MED12L: variants seen among roughly 807,000 people sequenced by gnomAD.
MED12L encodes mediator of RNA polymerase II transcription subunit 12-like protein.
Under a neutral mutation model 281.3 loss-of-function variants are expected in MED12L, and 60 were observed. The observed-to-expected ratio is 0.21, with a 90% CI of 0.17 to 0.26. MED12L has a LOEUF of 0.26. MED12L is among the 10% of genes least tolerant of loss of function. MED12L has a pLI of 1.00. For missense variants in MED12L, 2,146 were observed against 2,680.9 expected (o/e 0.80, Z 4.41); for synonymous variants, 974 against 987.2 (o/e 0.99, Z 0.25).
At chr3:151,409,172 A>G in intron 39 of MED12L, 71 bp from the exon 40 acceptor site, 2 of 1,187,012 alleles carry the variant, frequency 1.7e-6, no homozygotes, top group East Asian at 2.4e-5. Context: ...GGTTATTTGG[A>G]TTATTAACCA....
At chr3:151,196,681 G>A (rs750576598) in intron 16 of MED12L, among the ~76,000 whole-genome samples, 1 of 152,240 alleles carries the variant, frequency 6.6e-6, no homozygotes, top group African/African-American at 2.4e-5. Flanking sequence ...CACTGTGTCA[G>A]ATGTGTGAGG....
At position 151,338,810 on chromosome 3, in the gene MED12L, A is replaced by C. The variant is rs6809699; in HGVS notation, c.2251-11249A>C. 0.85 allele frequency: 1,364,573 copies of C among 1,612,836 alleles called. 578,841 individuals carry two copies. Among genetic ancestry groups the C allele is most frequent in the African/African-American group, 0.97 (72,744 of 74,950 alleles). The stretch of plus-strand genomic sequence containing the variant: ...AGTCTCTGGTGCACAGACTGGTGTT[A>C]CCAGGCGCAGAGGTGAGGTTGTCGA... On this transcript the variant is annotated intron_variant, in intron 16 of 44. Coordinates refer to ENST00000687756, the MANE Select transcript of MED12L (RefSeq NM_001393769.1).
At position 151,386,361 on chromosome 3, in the gene MED12L, T is replaced by A. The variant is rs567680321; in HGVS notation, c.5088+1170T>A. Among the ~76,000 whole-genome samples the A allele has an allele frequency of 7.2e-5, 11 of 152,290 alleles. No homozygotes were observed. In the South Asian group the frequency reaches 2.3e-3, roughly 32 times the overall value. On this transcript the variant is annotated intron_variant, in intron 36 of 44. Transcript: ENST00000687756. ...GAAACAGTCAATTTACAGGTGGCAA[T>A]TGAACCTTGGTTTTATTTTGTTTTA...
chr3:151,407,518 T>C (rs1481276312), intron 39 of MED12L, among the ~76,000 whole-genome samples: 1 of 152,144 alleles, frequency 6.6e-6, no homozygotes, highest in Non-Finnish European at 1.5e-5. Flanking sequence ...TCTTTAAGGA[T>C]CTGGTTGATT....
At chr3:151,245,031 A>C (rs1010772655) in intron 16 of MED12L, among the ~76,000 whole-genome samples, 19 of 152,284 alleles carry the variant, frequency 1.2e-4, no homozygotes, top group African/African-American at 3.4e-4. Flanking sequence ...GAAATGGATA[A>C]ATTCCTTGAC....
intron 2 of MED12L, among the ~76,000 whole-genome samples, chr3:151,106,924 A>G (rs1208444153): frequency 2.6e-5 from 4 of 152,106 alleles, no homozygotes; most frequent in African/African-American, 9.7e-5. Flanking sequence ...GTATGTCTTT[A>G]TATTTAAAGT....
intron 16 of MED12L, among the ~76,000 whole-genome samples, chr3:151,342,451 C>T (rs1464802173): frequency 1.3e-5 from 2 of 152,204 alleles, no homozygotes; most frequent in Non-Finnish European, 2.9e-5. Flanking sequence ...AGCAGCAGCT[C>T]TGCATCACTT....
chr3:151,350,264 A>G, intron 17 of MED12L, 58 bp downstream of exon 17: 1 of 1,561,628 alleles, frequency 6.4e-7, no homozygotes, highest in Non-Finnish European at 8.8e-7. Context: ...CCCTCTGAGC[A>G]CAGTCTTTAT....
chr3:151,425,924 G>T (rs1718826950), intron 43 of MED12L, among the ~76,000 whole-genome samples: 1 of 152,188 alleles, frequency 6.6e-6, no homozygotes, highest in South Asian at 2.1e-4. Context: ...AAGTGGGGAG[G>T]AAGTGTATTC....
chr3:151,425,852 G>T, intron 43 of MED12L: 1 of 423,936 alleles, frequency 2.4e-6, no homozygotes, highest in Non-Finnish European at 4.8e-6. Flanking sequence ...TGAGGGAATG[G>T]ATGATAACTT....
intron 2 of MED12L, among the ~76,000 whole-genome samples, chr3:151,113,996 C>T (rs545269076): frequency 1.6e-4 from 25 of 152,244 alleles, no homozygotes; most frequent in Non-Finnish European, 2.4e-4. Context: ...AATACTCTGA[C>T]GGCAAATCAA....
chr3:151,383,654 A>G (rs779233359), intron 33 of MED12L, 125 bp from the exon 34 acceptor site: 32 of 608,852 alleles, frequency 5.3e-5, no homozygotes, highest in Non-Finnish European at 7.5e-5. Context: ...AGATAAGGTA[A>G]TCTATAAACT....
chr3:151,162,511 G>A (rs1021329878), intron 8 of MED12L, among the ~76,000 whole-genome samples: 2 of 151,908 alleles, frequency 1.3e-5, no homozygotes, highest in African/African-American at 4.8e-5. Context: ...GGAGCTCCTG[G>A]GCTCAAGTGA....
At chr3:151,413,075 T>G (rs370396340) in intron 41 of MED12L, 64 bp from the exon 42 acceptor site, 1 of 1,553,598 alleles carries the variant, frequency 6.4e-7, no homozygotes. Flanking sequence ...CATGTGCTGG[T>G]AGCACTGATT....
At chr3:151,262,275 C>T (rs374058519) in intron 16 of MED12L, among the ~76,000 whole-genome samples, 3 of 152,202 alleles carry the variant, frequency 2.0e-5, no homozygotes, top group Non-Finnish European at 4.4e-5. Context: ...TTAAGTCACA[C>T]TAGTGATAGT....
intron 16 of MED12L, chr3:151,213,838 G>T: frequency 6.2e-7 from 1 of 1,614,088 alleles, no homozygotes. Context: ...ACTCTGGTTG[G>T]TGAGAATAAT....
chr3:151,415,043 T>G (rs1345997110), intron 42 of MED12L, among the ~76,000 whole-genome samples: 1 of 152,210 alleles, frequency 6.6e-6, no homozygotes, highest in Admixed American at 6.5e-5. Flanking sequence ...AATTTATATT[T>G]TGCTCTAGTT....
chr3:151,401,281 G>GT lies in MED12L; in HGVS notation c.5820+6425dup, dbSNP rs112050479. On this transcript the variant is annotated intron_variant, in intron 39 of 44. Transcript: ENST00000687756. The stretch of plus-strand genomic sequence containing the variant: ...TTTAATTTATTCAGTTTTTTTGTTT[G>GT]TTTTTTTTTTTAACTGTTAACTGTT... Among the ~76,000 whole-genome samples, 1,027 of 142,586 alleles carry GT rather than the reference G, an allele frequency of 7.2e-3. 8 individuals are homozygous for GT. The highest frequency in any genetic ancestry group is 0.024 in the African/African-American group (912 of 38,116). The allele number at this position is 142,586 out of a possible 152,430, so 93.5% of individuals were successfully genotyped here.
intron 3 of MED12L, among the ~76,000 whole-genome samples, chr3:151,121,083 G>C (rs1009953876): frequency 1.3e-5 from 2 of 152,124 alleles, no homozygotes; most frequent in Non-Finnish European, 2.9e-5. Context: ...GCAAATAAGA[G>C]ACCTTTTGAA....
Sources: allele counts gnomAD v4.1 joint callset (sites outside exome capture counted in the v4.1 genomes callset), GRCh38; gene constraint gnomAD v4.1.1; transcripts MANE v1.5; gene names NCBI Gene and HGNC (gene_info 2026-07-23, HGNC 2026-07-21).